The following PDE11A variants were observed in gnomAD, a reference collection of about 807,000 sequenced individuals.
PDE11A encodes dual 3',5'-cyclic-AMP and -GMP phosphodiesterase 11A.
A neutral mutation model predicts 100.5 loss-of-function variants in PDE11A; 100 were observed. The ratio of observed to expected loss-of-function variants is 1.00; its 90% confidence interval spans 0.85 to 1.18. The LOEUF (loss-of-function observed/expected upper bound fraction) is 1.18, where lower values mean the gene tolerates loss of function less well. PDE11A is among the 50% of genes most tolerant of loss of function. The probability of loss-of-function intolerance (pLI) is 0.00; values close to 1 mark genes in which losing one functional copy is unlikely to be tolerated. For missense variants in PDE11A, 1,141 were observed against 1,152.6 expected (o/e 0.99, Z 0.15); for synonymous variants, 381 against 420.8 (o/e 0.91, Z 1.16).
intron 1 of PDE11A, among the ~76,000 whole-genome samples, chr2:178,047,152 T>C (rs1185965848): frequency 6.6e-6 from 1 of 152,104 alleles, no homozygotes; most frequent in Non-Finnish European, 1.5e-5. Context: ...TGGACCCAGA[T>C]AATTTCCTTC....
intron 6 of PDE11A, among the ~76,000 whole-genome samples, chr2:177,821,220 T>C (rs2083133239): frequency 6.6e-6 from 1 of 151,920 alleles, no homozygotes; most frequent in South Asian, 2.1e-4. Context: ...ACATTTCTCT[T>C]TGAGAAGTTA....
intron 5 of PDE11A, among the ~76,000 whole-genome samples, chr2:177,875,435 T>C (rs1458076946): frequency 6.6e-6 from 1 of 151,930 alleles, no homozygotes; most frequent in African/African-American, 2.4e-5. Flanking sequence ...TGGAGTGCAG[T>C]GGCACAATCT....
intron 2 of PDE11A, among the ~76,000 whole-genome samples, chr2:177,972,482 C>T (rs2085784225): frequency 6.6e-6 from 1 of 152,040 alleles, no homozygotes; most frequent in Admixed American, 6.6e-5. Context: ...GATGGAGTGG[C>T]CACATCAGGT....
rs1388648193 is a variant in PDE11A, at chr2:177,631,572, TGTATATATATATACACACAC to T, written c.2647-2030_2647-2011del. On this transcript the variant is annotated intron_variant, in intron 19 of 19. Coordinates refer to ENST00000286063, the MANE Select transcript of PDE11A (RefSeq NM_016953.4). ...ACACATGTATATATATATATATACA[TGTATATATATATACACACAC>T]ATATATATGTGTGTATATATATACA... 2.9e-4 allele frequency among the ~76,000 whole-genome samples: 7 copies of T among 23,954 alleles called. 1 individual carries two copies. Among genetic ancestry groups the T allele is most frequent in the Non-Finnish European group, 5.8e-4 (7 of 12,032 alleles). The allele number at this position is 23,954 out of a possible 152,430, so 15.7% of individuals were successfully genotyped here. A position where few individuals can be genotyped will look rare whatever the true frequency, so the allele number is the denominator to read the frequency against.
chr2:177,944,717 G>T (rs906824308), intron 2 of PDE11A, among the ~76,000 whole-genome samples: 2 of 152,120 alleles, frequency 1.3e-5, no homozygotes, highest in African/African-American at 4.8e-5. Flanking sequence ...CCGAGAGACC[G>T]CCGAGGTGCG....
chr2:178,096,169 C>CTTTTTTTTTTT (rs71010857), intron 2 of PDE11A, among the ~76,000 whole-genome samples: 17,497 of 118,066 alleles, frequency 0.15, 2,128 homozygotes, highest in East Asian at 0.21. Flanking sequence ...CTTTTCTTTT[C>CTTTTTTTTTTT]TTTTTTTTTT....
chr2:177,785,292 G>A (rs1264593945), intron 9 of PDE11A, among the ~76,000 whole-genome samples: 1 of 131,548 alleles, frequency 7.6e-6, no homozygotes, highest in Non-Finnish European at 1.6e-5. Flanking sequence ...GGCCCAGATA[G>A]GAGAGAACCA....
chr2:178,061,843 C>T (rs1393030615), intron 1 of PDE11A, among the ~76,000 whole-genome samples: 2 of 152,068 alleles, frequency 1.3e-5, no homozygotes, highest in East Asian at 3.8e-4. Flanking sequence ...TTCTGAAGAA[C>T]AAAATTAGTT....
chr2:177,701,081 G>T, intron 14 of PDE11A, 40 bp downstream of exon 14: 1 of 1,078,854 alleles, frequency 9.3e-7, no homozygotes, highest in Non-Finnish European at 1.4e-6. Flanking sequence ...GAGTTGTTTT[G>T]GTTTCTGTTA....
chr2:178,081,855 G>A (rs1275998068), intron 2 of PDE11A, among the ~76,000 whole-genome samples: 1 of 152,206 alleles, frequency 6.6e-6, no homozygotes, highest in Non-Finnish European at 1.5e-5. Flanking sequence ...CCTCACAAAA[G>A]GACACCAAGG....
chr2:177,942,406 A>T (rs13408009), intron 2 of PDE11A, among the ~76,000 whole-genome samples: 5,901 of 136,904 alleles, frequency 0.043, 386 homozygotes, highest in African/African-American at 0.15. Flanking sequence ...TTTTAAAATT[A>T]TTTTTTTTTT....
intron 18 of PDE11A, among the ~76,000 whole-genome samples, chr2:177,667,514 C>T (rs1249511896): frequency 6.6e-6 from 1 of 152,116 alleles, no homozygotes; most frequent in Non-Finnish European, 1.5e-5. Flanking sequence ...ATTATCTTGG[C>T]ACCCATGCTG....
At chr2:177,664,974 G>A (rs1022698615) in intron 18 of PDE11A, among the ~76,000 whole-genome samples, 2 of 152,120 alleles carry the variant, frequency 1.3e-5, no homozygotes, top group East Asian at 3.9e-4. Flanking sequence ...GGGAGTGGGT[G>A]GGGCAGAAAT....
chr2:177,936,397 A>G (rs1056626375), intron 2 of PDE11A, among the ~76,000 whole-genome samples: 4 of 152,132 alleles, frequency 2.6e-5, no homozygotes, highest in African/African-American at 7.2e-5. Flanking sequence ...AAAAGCTCAC[A>G]TTATTTTCAT....
chr2:177,760,045 C>T (rs765152623), intron 10 of PDE11A, among the ~76,000 whole-genome samples: 1 of 152,086 alleles, frequency 6.6e-6, no homozygotes, highest in South Asian at 2.1e-4. Context: ...TTTCCTACTC[C>T]GCCACTTGAA....
chr2:178,077,249 T>C (rs899090107), upstream of PDE11A, among the ~76,000 whole-genome samples: 24 of 75,850 alleles, frequency 3.2e-4, no homozygotes, highest in African/African-American at 9.5e-4. Context: ...TTTCTTTTCT[T>C]TTCTTTCTTT....
intron 2 of PDE11A, among the ~76,000 whole-genome samples, chr2:177,987,066 G>T (rs927317174): frequency 6.6e-6 from 1 of 152,056 alleles, no homozygotes; most frequent in African/African-American, 2.4e-5. Context: ...TTAACCAATT[G>T]ATATCTACTT....
chr2:177,800,319 G>A (rs112806656), intron 9 of PDE11A, among the ~76,000 whole-genome samples: 8 of 151,922 alleles, frequency 5.3e-5, no homozygotes, highest in African/African-American at 1.9e-4. Context: ...ATAGGTGCAT[G>A]CCACCATGCC....
chr2:177,990,097 C>T (rs1403411254), intron 2 of PDE11A, among the ~76,000 whole-genome samples: 1 of 152,176 alleles, frequency 6.6e-6, no homozygotes, highest in Non-Finnish European at 1.5e-5. Flanking sequence ...AACCAACATA[C>T]TTTTTCCTTT....
Sources: gnomAD v4.1 joint callset for allele counts (sites outside exome capture counted in the v4.1 genomes callset) on GRCh38, gnomAD v4.1.1 for gene constraint, MANE v1.5 for transcripts, NCBI Gene and HGNC (gene_info 2026-07-23, HGNC 2026-07-21) for gene names.